GLI3: variants seen among roughly 807,000 people sequenced by gnomAD.
GLI3 encodes GLI family zinc finger 3.
GLI3 carries 20 observed loss-of-function variants against 100.8 expected under a neutral mutation model. That is an observed-to-expected ratio of 0.20 (90% CI 0.14 to 0.29). The LOEUF (loss-of-function observed/expected upper bound fraction) is 0.29. Ranked by LOEUF, GLI3 falls within the 10% of genes least tolerant of loss-of-function variation. GLI3 has a pLI of 1.00. For synonymous variants in GLI3, 938 were observed against 860.5 expected (o/e 1.09, Z -1.58); for missense variants, 2,040 against 2,128.5 (o/e 0.96, Z 0.82).
Position 41,964,114 on chromosome 7 carries a change from A to G in GLI3, c.*216T>C. On this transcript the variant is annotated 3_prime_UTR_variant, in exon 15 of 15. Transcript: ENST00000395925. ...GGGTGGTTTGAGTGTAACAATACTG[A>G]TTCAAAACTGAAATGGAAGACAGTT... 2.0e-6 allele frequency: 1 copy of G among 488,844 alleles called. No homozygotes were observed. The highest frequency in any genetic ancestry group is 3.7e-6 in the Non-Finnish European group (1 of 273,546). The allele number at this position is 488,844 out of a possible 1,614,324, so 30.3% of individuals were successfully genotyped here. A position where few individuals can be genotyped will look rare whatever the true frequency, so the allele number is the denominator to read the frequency against.
intron 1 of GLI3, among the ~76,000 whole-genome samples, chr7:42,252,606 C>A (rs17755215): frequency 0.38 from 58,089 of 152,024 alleles, 11,994 homozygotes; most frequent in East Asian, 0.68. Context: ...GAATTTGAGT[C>A]ACCTCTATGA....
At chr7:42,075,942 A>G (rs1455372154) in intron 4 of GLI3, among the ~76,000 whole-genome samples, 1 of 152,222 alleles carries the variant, frequency 6.6e-6, no homozygotes, top group Admixed American at 6.5e-5. Context: ...ATTATTCTTC[A>G]AAGTATTATT....
At chr7:42,077,481 T>A (rs1185554568) in intron 3 of GLI3, among the ~76,000 whole-genome samples, 1 of 151,924 alleles carries the variant, frequency 6.6e-6, no homozygotes, top group Non-Finnish European at 1.5e-5. Flanking sequence ...GGAAACACTG[T>A]GCAGCCCTCC....
chr7:42,197,694 G>A (rs1225898825), intron 2 of GLI3, among the ~76,000 whole-genome samples: 1 of 152,186 alleles, frequency 6.6e-6, no homozygotes, highest in Non-Finnish European at 1.5e-5. Context: ...GGTACAGTTC[G>A]CTACTCACAG....
rs796556613 is a variant in GLI3, at chr7:42,210,353, C to CAAA, written c.124+12776_124+12777insTTT. On this transcript the variant is annotated intron_variant, in intron 2 of 14. Transcript: ENST00000395925. Reference sequence around the variant, plus strand: ...AAAAATGAAAGCCCCCCCCCCCCCCCCAAGTTAAAATAAGGTACAAAGTTA... The same window carrying CAAA: ...AAAAATGAAAGCCCCCCCCCCCCCCCAAACAAGTTAAAATAAGGTACAAAGTTA... Among the ~76,000 whole-genome samples the CAAA allele has an allele frequency of 1.9e-5, 2 of 105,168 alleles. 1 individual carries two copies. The highest frequency in any genetic ancestry group is 3.6e-5 in the Non-Finnish European group (2 of 55,352). The allele number at this position is 105,168 out of a possible 152,430, so 69.0% of individuals were successfully genotyped here. A position where few individuals can be genotyped will look rare whatever the true frequency, so the allele number is the denominator to read the frequency against.
intron 10 of GLI3, among the ~76,000 whole-genome samples, chr7:41,998,251 TA>T (rs1048387432): frequency 6.2e-4 from 94 of 152,280 alleles, no homozygotes; most frequent in Non-Finnish European, 6.2e-4. Context: ...TCTTCTAAGG[TA>T]TTCACACCAC....
At chr7:42,243,420 T>C (rs1788943757) in intron 1 of GLI3, among the ~76,000 whole-genome samples, 1 of 152,210 alleles carries the variant, frequency 6.6e-6, no homozygotes, top group African/African-American at 2.4e-5. Flanking sequence ...TTTATGATAG[T>C]GACTAGTAGC....
At chr7:42,036,148 C>A (rs1260674651) in intron 7 of GLI3, among the ~76,000 whole-genome samples, 1 of 152,068 alleles carries the variant, frequency 6.6e-6, no homozygotes, top group Non-Finnish European at 1.5e-5. Flanking sequence ...AACAAAAGAA[C>A]CACACACAAA....
intron 10 of GLI3, among the ~76,000 whole-genome samples, chr7:41,990,795 G>A (rs1299335167): frequency 6.6e-6 from 1 of 152,024 alleles, no homozygotes; most frequent in African/African-American, 2.4e-5. Context: ...TCGTCACATT[G>A]CTAAGGGAGG....
chr7:42,203,648 T>C (rs553963455), intron 2 of GLI3, among the ~76,000 whole-genome samples: 1 of 152,206 alleles, frequency 6.6e-6, no homozygotes, highest in African/African-American at 2.4e-5. Context: ...TGATTCTGTA[T>C]CTTGCCCATT....
At chr7:42,224,628 T>C (rs553855836) in intron 1 of GLI3, among the ~76,000 whole-genome samples, 2 of 152,354 alleles carry the variant, frequency 1.3e-5, no homozygotes, top group South Asian at 4.1e-4. Context: ...AAAGAAGCAC[T>C]AAGTTAAATT....
At chr7:42,157,446 G>A (rs1305306060) in intron 2 of GLI3, among the ~76,000 whole-genome samples, 3 of 152,132 alleles carry the variant, frequency 2.0e-5, no homozygotes, top group Admixed American at 6.5e-5. Flanking sequence ...CAGACATGAC[G>A]CTAGCTGCTC....
chr7:41,994,657 T>C (rs1788075912), intron 10 of GLI3, among the ~76,000 whole-genome samples: 1 of 152,214 alleles, frequency 6.6e-6, no homozygotes, highest in South Asian at 2.1e-4. Flanking sequence ...ATTTCTGCAA[T>C]TTTGTTTTCT....
intron 4 of GLI3, among the ~76,000 whole-genome samples, chr7:42,058,882 T>A (rs79780171): frequency 6.6e-6 from 1 of 152,254 alleles, no homozygotes; most frequent in South Asian, 2.1e-4. Flanking sequence ...TATAACTCAT[T>A]AATAAATTAA....
At chr7:41,977,874 T>C in intron 11 of GLI3, 152 bp from the exon 12 acceptor site, 1 of 725,328 alleles carries the variant, frequency 1.4e-6, no homozygotes, top group South Asian at 1.5e-5. Context: ...TCTGCATTTA[T>C]TGGGATTCAG....
At chr7:42,074,570 G>C (rs541759631) in intron 4 of GLI3, among the ~76,000 whole-genome samples, 2 of 152,310 alleles carry the variant, frequency 1.3e-5, no homozygotes, top group South Asian at 4.1e-4. Flanking sequence ...ACCATGCAGA[G>C]AGGGAAGGCC....
At chr7:42,262,763 C>T (rs1031655573) in intron 1 of GLI3, among the ~76,000 whole-genome samples, 9 of 152,146 alleles carry the variant, frequency 5.9e-5, no homozygotes, top group Admixed American at 4.6e-4. Context: ...TTTATCCATT[C>T]CTAAGAATTT....
chr7:42,078,976 G>T (rs537395447), intron 3 of GLI3, among the ~76,000 whole-genome samples: 2 of 151,990 alleles, frequency 1.3e-5, no homozygotes, highest in East Asian at 1.9e-4. Flanking sequence ...TGATCTGCCC[G>T]CCTCGGCCTC....
intron 10 of GLI3, among the ~76,000 whole-genome samples, chr7:42,011,035 C>T (rs1157961100): frequency 6.6e-6 from 1 of 152,248 alleles, no homozygotes; most frequent in South Asian, 2.1e-4. Flanking sequence ...AAAATGTGGT[C>T]AATCTACCAG....
Sources: gnomAD v4.1 joint callset for allele counts (sites outside exome capture counted in the v4.1 genomes callset) on GRCh38, gnomAD v4.1.1 for gene constraint, MANE v1.5 for transcripts, NCBI Gene and HGNC (gene_info 2026-07-23, HGNC 2026-07-21) for gene names.